The following CA10 variants were observed in gnomAD, a reference collection of about 807,000 sequenced individuals.
CA10 encodes carbonic anhydrase-related protein 10.
A neutral mutation model predicts 44.2 loss-of-function variants in CA10; 14 were observed. The observed-to-expected ratio is 0.32, with a 90% CI of 0.21 to 0.50. CA10 has a LOEUF of 0.50. CA10 is among the 20% of genes least tolerant of loss of function. CA10 has a pLI of 0.99. For synonymous variants in CA10, 159 were observed against 141.6 expected (o/e 1.12, Z -0.87); for missense variants, 350 against 409.7 (o/e 0.85, Z 1.26).
intron 3 of CA10, among the ~76,000 whole-genome samples, chr17:51,821,376 T>A (rs914090543): frequency 2.0e-5 from 3 of 151,820 alleles, no homozygotes; most frequent in Admixed American, 1.3e-4. Flanking sequence ...CTTGGAATCA[T>A]CACTGACTCC....
intron 3 of CA10, among the ~76,000 whole-genome samples, chr17:51,930,027 A>G (rs1567889384): frequency 6.6e-6 from 1 of 152,158 alleles, no homozygotes; most frequent in Non-Finnish European, 1.5e-5. Flanking sequence ...GTTACATGGT[A>G]CAAGAAAATA....
chr17:51,737,704 G>T (rs989837376), intron 4 of CA10, among the ~76,000 whole-genome samples: 2 of 152,088 alleles, frequency 1.3e-5, no homozygotes, highest in Non-Finnish European at 2.9e-5. Context: ...CTGTCTGGTG[G>T]CCCAAGTGTC....
At chr17:51,775,410 A>G (rs909977362) in intron 3 of CA10, among the ~76,000 whole-genome samples, 7 of 152,156 alleles carry the variant, frequency 4.6e-5, no homozygotes, top group African/African-American at 1.7e-4. Context: ...TTTGGCTTTC[A>G]CCTGACTCCT....
Position 51,763,603 on chromosome 17 carries a change from GA to G in CA10, c.280-15786del, listed in dbSNP as rs2078151218. Among the ~76,000 whole-genome samples the G allele has an allele frequency of 1.3e-5, 2 of 152,272 alleles. 1 individual carries two copies. The highest frequency in any genetic ancestry group is 4.1e-4 in the South Asian group (2 of 4,826). On this transcript the variant is annotated intron_variant, in intron 3 of 8. Coordinates refer to ENST00000451037, the MANE Select transcript of CA10 (RefSeq NM_020178.5). ...CCCACATTCACCATTCTAGTCCACT[GA>G]AAAGCCTCTCAGATTTCCACTCGAT...
chr17:51,704,757 G>A (rs187382094), intron 4 of CA10, among the ~76,000 whole-genome samples: 1 of 152,192 alleles, frequency 6.6e-6, no homozygotes, highest in Admixed American at 6.5e-5. Flanking sequence ...AAGGTCAGGA[G>A]TTCAAGACCA....
chr17:51,832,103 G>T (rs940196362), intron 3 of CA10, among the ~76,000 whole-genome samples: 1 of 152,140 alleles, frequency 6.6e-6, no homozygotes. Context: ...GAGAGACCTG[G>T]GTTTGAATCT....
intron 1 of CA10, among the ~76,000 whole-genome samples, chr17:52,118,679 G>T (rs1313584078): frequency 6.6e-6 from 1 of 152,094 alleles, no homozygotes; most frequent in Admixed American, 6.6e-5. Context: ...TTCCAAAATT[G>T]TATGGGATTT....
At chr17:51,868,847 TTA>T (rs1208134674) in intron 3 of CA10, among the ~76,000 whole-genome samples, 8 of 152,058 alleles carry the variant, frequency 5.3e-5, no homozygotes, top group African/African-American at 1.7e-4. Flanking sequence ...CTCAAATCTT[TTA>T]AGAAAGAAAT....
At chr17:52,091,792 G>A (rs1411854317) in intron 1 of CA10, among the ~76,000 whole-genome samples, 1 of 152,112 alleles carries the variant, frequency 6.6e-6, no homozygotes, top group African/African-American at 2.4e-5. Context: ...ACACTTTAGG[G>A]AACCCAAAGA....
At chr17:51,826,249 T>C (rs1178457620) in intron 3 of CA10, among the ~76,000 whole-genome samples, 1 of 152,192 alleles carries the variant, frequency 6.6e-6, no homozygotes, top group Admixed American at 6.5e-5. Context: ...GACAACGTCC[T>C]TTCATGGAGA....
chr17:52,131,204 T>A (rs1310054828), intron 1 of CA10, among the ~76,000 whole-genome samples: 1 of 152,182 alleles, frequency 6.6e-6, no homozygotes, highest in Non-Finnish European at 1.5e-5. Context: ...TATATTTGAG[T>A]GTTCTGTCTC....
At chr17:51,846,658 G>A (rs2143814061) in intron 3 of CA10, among the ~76,000 whole-genome samples, 1 of 152,326 alleles carries the variant, frequency 6.6e-6, no homozygotes, top group Middle Eastern at 3.4e-3. Flanking sequence ...CAGCAAAAAG[G>A]ATGTTTTACT....
chr17:52,157,213 C>T (rs966304591), intron 1 of CA10, among the ~76,000 whole-genome samples: 8 of 152,066 alleles, frequency 5.3e-5, no homozygotes, highest in African/African-American at 1.7e-4. Context: ...ACAATCAGTC[C>T]TGATGTGTTT....
chr17:51,973,134 A>G (rs1984340698), intron 2 of CA10, among the ~76,000 whole-genome samples: 1 of 152,218 alleles, frequency 6.6e-6, no homozygotes, highest in East Asian at 1.9e-4. Context: ...TTCCTGCCAT[A>G]AACAACTATA....
chr17:51,962,186 G>C (rs550610618), intron 2 of CA10, among the ~76,000 whole-genome samples: 11 of 152,224 alleles, frequency 7.2e-5, no homozygotes, highest in East Asian at 3.9e-4. Context: ...TACACTCTAT[G>C]ATGAGGCAGA....
chr17:51,885,285 C>T (rs1352140627), intron 3 of CA10, among the ~76,000 whole-genome samples: 1 of 152,124 alleles, frequency 6.6e-6, no homozygotes, highest in Non-Finnish European at 1.5e-5. Flanking sequence ...GCTAGCTCCT[C>T]ATGACCAAGA....
chr17:52,150,034 A>G (rs1387195848), intron 1 of CA10, among the ~76,000 whole-genome samples: 1 of 152,040 alleles, frequency 6.6e-6, no homozygotes, highest in Non-Finnish European at 1.5e-5. Context: ...TTCCATCTCA[A>G]CCTCATCCAT....
chr17:51,699,323 C>CA (rs35215515), intron 4 of CA10, among the ~76,000 whole-genome samples: 46,980 of 128,650 alleles, frequency 0.37, 8,098 homozygotes, highest in Admixed American at 0.44. Flanking sequence ...AACTCCATCT[C>CA]AAAAAAAAAA....
chr17:51,885,484 C>A (rs566868878), intron 3 of CA10, among the ~76,000 whole-genome samples: 13 of 150,270 alleles, frequency 8.7e-5, no homozygotes, highest in Admixed American at 1.3e-4. Flanking sequence ...TCACCCCCAT[C>A]TACTCCTCTT....
Sources: gnomAD v4.1 joint callset for allele counts (sites outside exome capture counted in the v4.1 genomes callset) on GRCh38, gnomAD v4.1.1 for gene constraint, MANE v1.5 for transcripts, NCBI Gene and HGNC (gene_info 2026-07-23, HGNC 2026-07-21) for gene names.